Variants in CPXM2 observed in about 807,000 individuals in gnomAD.
CPXM2 encodes the protein inactive carboxypeptidase-like protein X2.
Under a neutral mutation model 86.1 loss-of-function variants are expected in CPXM2, and 66 were observed. That is an observed-to-expected ratio of 0.77 (90% CI 0.63 to 0.94). The LOEUF is 0.94. Among genes scored for constraint, CPXM2 ranks in the 40% least tolerant of loss-of-function variants. The probability of loss-of-function intolerance (pLI) is 0.00; values close to 1 mark genes in which losing one functional copy is unlikely to be tolerated. For synonymous variants in CPXM2, 388 were observed against 400.2 expected, an observed-to-expected ratio of 0.97 and a Z score of 0.36; for missense variants, 948 against 1,026.3, an observed-to-expected ratio of 0.92 and a Z score of 1.04.
intron 4 of CPXM2, among the ~76,000 whole-genome samples, chr10:123,830,967 T>C (rs973622121): frequency 1.3e-5 from 2 of 151,938 alleles, no homozygotes; most frequent in Non-Finnish European, 2.9e-5. Context: ...GGCTCTGCCA[T>C]GTTCTCAGTA....
chr10:123,771,187 G>T, intron 7 of CPXM2, 148 bp from the exon 8 acceptor site: 1 of 702,474 alleles, frequency 1.4e-6, no homozygotes, highest in South Asian at 1.7e-5. Flanking sequence ...TATCGCCTCT[G>T]CCCAGAACAC....
chr10:123,901,278 T>C (rs1377772145), intron 2 of CPXM2, among the ~76,000 whole-genome samples: 2 of 152,172 alleles, frequency 1.3e-5, no homozygotes, highest in Non-Finnish European at 2.9e-5. Flanking sequence ...AAGAGAGAGC[T>C]TTGGCATCGT....
intron 13 of CPXM2, chr10:123,751,962 T>G: frequency 1.0e-6 from 1 of 985,362 alleles, no homozygotes; most frequent in Non-Finnish European, 1.2e-6. Flanking sequence ...AGGCAAAGTA[T>G]TCTATCTTGG....
At chr10:123,809,839 G>A (rs1280805567) in intron 4 of CPXM2, among the ~76,000 whole-genome samples, 7 of 152,024 alleles carry the variant, frequency 4.6e-5, no homozygotes, top group Admixed American at 3.3e-4. Context: ...TCAGCATAAT[G>A]GAAAAACCAA....
chr10:123,934,538 C>T (rs1590129631), intron 2 of CPXM2, among the ~76,000 whole-genome samples: 1 of 152,122 alleles, frequency 6.6e-6, no homozygotes. Flanking sequence ...AGTTTGACCT[C>T]ATCTTGATTC....
At chr10:123,866,401 TA>T (rs34862225) in intron 2 of CPXM2, among the ~76,000 whole-genome samples, 107,350 of 151,788 alleles carry the variant, frequency 0.71, 40,006 homozygotes, top group African/African-American at 0.91. Context: ...CCATCTCTAC[TA>T]AAAAATACAA....
intron 2 of CPXM2, among the ~76,000 whole-genome samples, chr10:123,875,814 T>C (rs72827486): frequency 2.0e-3 from 215 of 108,882 alleles, no homozygotes; most frequent in African/African-American, 6.3e-3. Context: ...TTTCTTTTTT[T>C]TTTTTTTTTT....
intron 3 of CPXM2, among the ~76,000 whole-genome samples, chr10:123,860,012 T>C (rs1180755566): frequency 1.3e-5 from 2 of 152,102 alleles, no homozygotes; most frequent in Non-Finnish European, 2.9e-5. Flanking sequence ...GCACCTCCCA[T>C]GTTGCAGGTG....
intron 2 of CPXM2, among the ~76,000 whole-genome samples, chr10:123,921,384 A>C (rs1273349285): frequency 6.6e-6 from 1 of 152,252 alleles, no homozygotes; most frequent in Admixed American, 6.5e-5. Flanking sequence ...AAAGAGAAAA[A>C]GGCCTTTATG....
At chr10:123,785,435 T>A (rs1038616951) in intron 6 of CPXM2, among the ~76,000 whole-genome samples, 2 of 152,168 alleles carry the variant, frequency 1.3e-5, no homozygotes, top group African/African-American at 4.8e-5. Context: ...ACATGTGGCC[T>A]AACAACAAAG....
chr10:123,883,561 C>T (rs1186759415), intron 1 of CPXM2, among the ~76,000 whole-genome samples: 1 of 152,264 alleles, frequency 6.6e-6, no homozygotes, highest in African/African-American at 2.4e-5. Flanking sequence ...TCTATCTTCT[C>T]ACCCATCACA....
chr10:123,844,467 C>A (rs1331777901), intron 3 of CPXM2, among the ~76,000 whole-genome samples: 2 of 151,732 alleles, frequency 1.3e-5, no homozygotes, highest in Non-Finnish European at 2.9e-5. Flanking sequence ...GAAAGCACAC[C>A]AATGCCCCTA....
At chr10:123,873,956 C>T (rs1455152633) in intron 2 of CPXM2, among the ~76,000 whole-genome samples, 1 of 149,924 alleles carries the variant, frequency 6.7e-6, no homozygotes, top group Non-Finnish European at 1.5e-5. Flanking sequence ...ACCTCCAGGG[C>T]TCAAGTGATT....
chr10:123,812,233 C>T (rs1237620573), intron 4 of CPXM2, among the ~76,000 whole-genome samples: 2 of 152,104 alleles, frequency 1.3e-5, no homozygotes, highest in Admixed American at 6.5e-5. Flanking sequence ...TTGCAGTATA[C>T]CTGCAAGGTT....
chr10:123,840,523 G>T (rs978928780), intron 4 of CPXM2, among the ~76,000 whole-genome samples: 3 of 152,182 alleles, frequency 2.0e-5, no homozygotes, highest in Non-Finnish European at 4.4e-5. Flanking sequence ...AGTGGTGGAG[G>T]TGTGGCTGAG....
chr10:123,754,461 G>A lies in CPXM2; in HGVS notation c.2017+202C>T, dbSNP rs2133973688. Among the ~76,000 whole-genome samples, 1 of 152,328 alleles carries A rather than the reference G, an allele frequency of 6.6e-6. No homozygotes were observed. The highest frequency in any genetic ancestry group is 2.1e-4 in the South Asian group (1 of 4,826). ...GGCTGCACAGCCATCCTGTGAAAGG[G>A]ACAGCGAGCAACCAGCAAGCACAGG... On this transcript the variant is annotated intron_variant, in intron 13 of 13. Transcript: ENST00000241305. The surrounding 1 kb of genome is among the most constrained non-coding windows in gnomAD (Gnocchi z 4.0).
intron 2 of CPXM2, 116 bp downstream of exon 2, chr10:123,880,095 G>C (rs932824056): frequency 2.5e-5 from 16 of 642,174 alleles, no homozygotes; most frequent in Admixed American, 5.0e-5. Flanking sequence ...CAGGCCCCAG[G>C]CAGCCCCACA....
intron 2 of CPXM2, among the ~76,000 whole-genome samples, chr10:123,910,827 C>T (rs1350073137): frequency 6.7e-6 from 1 of 149,308 alleles, no homozygotes; most frequent in Non-Finnish European, 1.5e-5. Flanking sequence ...GCCACACTCC[C>T]TCCACCAGCT....
chr10:123,766,004 C>T (rs1277037431), intron 10 of CPXM2, among the ~76,000 whole-genome samples: 3 of 152,232 alleles, frequency 2.0e-5, no homozygotes, highest in Non-Finnish European at 2.9e-5. Context: ...GTTGATACCA[C>T]ATGCAACTGA....
Sources: allele counts gnomAD v4.1 joint callset (sites outside exome capture counted in the v4.1 genomes callset), GRCh38; gene constraint gnomAD v4.1.1; non-coding constraint Gnocchi (gnomAD v3.1); transcripts MANE v1.5; gene names NCBI Gene and HGNC (gene_info 2026-07-23, HGNC 2026-07-21).